The following MDM4 variants were observed in gnomAD, a reference collection of about 807,000 sequenced individuals.
The protein encoded by MDM4 is protein Mdm4.
A neutral mutation model predicts 60.2 loss-of-function variants in MDM4; 2 were observed. The ratio of observed to expected loss-of-function variants is 0.03; its 90% CI spans 0.01 to 0.10. MDM4 has a LOEUF of 0.10. Ranked by LOEUF, MDM4 falls within the 10% of genes least tolerant of loss-of-function variation. The pLI, the probability that MDM4 is intolerant of heterozygous loss-of-function variation, is 1.00. For synonymous variants in MDM4, 202 were observed against 198.1 expected (o/e 1.02, Z -0.17); for missense variants, 447 against 577.5 (o/e 0.77, Z 2.32).
rs753513771 is a variant in MDM4, at chr1:204,538,312, T to C, written c.511+4T>C. ...AAATGCATACATTCTAGAGAAGGTA[T>C]GTTTTGGATTAAGGCTATATAGACT... On this transcript the variant is annotated splice_donor_region_variant and intron_variant, in intron 7 of 10. Coordinates refer to ENST00000367182, the MANE Select transcript of MDM4 (RefSeq NM_002393.5). 2.0e-6 allele frequency: 3 copies of C among 1,497,616 alleles called. No homozygotes were observed. Among genetic ancestry groups the C allele is most frequent in the Non-Finnish European group, 2.8e-6 (3 of 1,074,778 alleles). 92.8% of individuals were successfully genotyped at this position (1,497,616 alleles called of 1,614,324 possible).
intron 1 of MDM4, among the ~76,000 whole-genome samples, chr1:204,520,946 G>A (rs1659510872): frequency 6.6e-6 from 1 of 152,140 alleles, no homozygotes; most frequent in Admixed American, 6.6e-5. Flanking sequence ...ATCAGCATAT[G>A]TCTTGAATAA....
chr1:204,518,622 G>A (rs1659235136), intron 1 of MDM4, among the ~76,000 whole-genome samples: 1 of 152,154 alleles, frequency 6.6e-6, no homozygotes, highest in African/African-American at 2.4e-5. Flanking sequence ...TGATAAGGTT[G>A]GGGATGGTGG....
At chr1:204,537,617 T>C (rs1661553091) in intron 6 of MDM4, 120 bp downstream of exon 6, 1 of 736,838 alleles carries the variant, frequency 1.4e-6, no homozygotes, top group African/African-American at 1.8e-5. Context: ...AGAAAGGTTC[T>C]TGGGAGTTCA....
intron 1 of MDM4, among the ~76,000 whole-genome samples, chr1:204,520,661 A>G (rs1373761306): frequency 6.6e-6 from 1 of 152,098 alleles, no homozygotes; most frequent in Non-Finnish European, 1.5e-5. Context: ...GAATCACTTG[A>G]GGCCAAGAGT....
intron 5 of MDM4, 68 bp from the exon 6 acceptor site, chr1:204,537,362 G>A (rs1661527250): frequency 4.8e-6 from 6 of 1,244,750 alleles, no homozygotes; most frequent in Non-Finnish European, 7.1e-6. Flanking sequence ...GTTTGCTGAG[G>A]TCCTTTTTGT....
At chr1:204,540,745 A>G (rs930497631) in intron 7 of MDM4, among the ~76,000 whole-genome samples, 1 of 152,174 alleles carries the variant, frequency 6.6e-6, no homozygotes, top group Non-Finnish European at 1.5e-5. Context: ...CCTGGGGGAC[A>G]AGAGCAAGAC....
intron 3 of MDM4, chr1:204,529,003 G>A (rs1034252482): frequency 6.5e-6 from 10 of 1,526,978 alleles, no homozygotes; most frequent in East Asian, 2.3e-5. Context: ...TTGACAGAGC[G>A]TGGGCAGTAG....
chr1:204,535,258 C>T (rs1205578054), intron 5 of MDM4, among the ~76,000 whole-genome samples: 5 of 149,610 alleles, frequency 3.3e-5, no homozygotes, highest in African/African-American at 7.4e-5. Context: ...CCCGGGTTCA[C>T]GCAGTTCTCC....
chr1:204,529,183 T>C (rs542485046), intron 3 of MDM4: 127 of 804,250 alleles, frequency 1.6e-4, no homozygotes, highest in Middle Eastern at 3.0e-4. Flanking sequence ...GCCGTAGACA[T>C]TTATGTGGCC....
At chr1:204,546,769 T>A (rs1347199904) in intron 9 of MDM4, 28 bp from the exon 10 acceptor site, 1 of 1,483,098 alleles carries the variant, frequency 6.7e-7, no homozygotes, top group South Asian at 1.1e-5. Context: ...AAGTAAACAT[T>A]ACTAATGAGA....
At chr1:204,538,358 A>G (rs1661634543) in intron 7 of MDM4, 50 bp downstream of exon 7, 1 of 957,952 alleles carries the variant, frequency 1.0e-6, no homozygotes, top group South Asian at 1.4e-5. Context: ...TCCTCTTCCA[A>G]CCTTTTTATT....
intron 1 of MDM4, among the ~76,000 whole-genome samples, chr1:204,524,674 G>T (rs1259747120): frequency 6.6e-6 from 1 of 152,198 alleles, no homozygotes; most frequent in African/African-American, 2.4e-5. Context: ...CTACTCAGGA[G>T]GCTGAGGCAG....
Position 204,556,933 on chromosome 1 carries a change from A to G in MDM4, c.*7251A>G, listed in dbSNP as rs928558835. 9.6e-6 allele frequency: 2 copies of G among 208,592 alleles called. No individual in the cohort carries two copies. Among genetic ancestry groups the G allele is most frequent in the African/African-American group, 4.6e-5 (2 of 43,930 alleles). 12.9% of individuals were successfully genotyped at this position (208,592 alleles called of 1,614,324 possible). A position where few individuals can be genotyped will look rare whatever the true frequency, so the allele number is the denominator to read the frequency against. On this transcript the variant is annotated 3_prime_UTR_variant, in exon 11 of 11. Transcript: ENST00000367182. Reference sequence around the variant, plus strand: ...GACTTTCTTTAGTCTCTAGCTATGCACTATTAAGTGCCTCTTGGGTAGAGG... The same window carrying G: ...GACTTTCTTTAGTCTCTAGCTATGCGCTATTAAGTGCCTCTTGGGTAGAGG...
rs1663121922 is a variant in MDM4, at chr1:204,550,706, TA to T, written c.*1028del. 5.7e-6 allele frequency: 1 copy of T among 175,574 alleles called. No individual in the cohort carries two copies. The highest frequency in any genetic ancestry group is 2.2e-3 in the Middle Eastern group (1 of 448). The allele number at this position is 175,574 out of a possible 1,614,324, so 10.9% of individuals were successfully genotyped here. ...GCATTCACTATCACTCCCAGCTAAT[TA>T]AAATAATTTGTAGACGGTGTCTCGT... On this transcript the variant is annotated 3_prime_UTR_variant, in exon 11 of 11. Transcript: ENST00000367182.
chr1:204,556,450 C>T lies in MDM4; in HGVS notation c.*6768C>T, dbSNP rs754306059. 10 of 224,762 alleles carry T rather than the reference C, an allele frequency of 4.4e-5. No individual in the cohort carries two copies. Among genetic ancestry groups the T allele is most frequent in the Admixed American group, 5.7e-5 (1 of 17,450 alleles). 13.9% of individuals were successfully genotyped at this position (224,762 alleles called of 1,614,324 possible). On this transcript the variant is annotated 3_prime_UTR_variant, in exon 11 of 11. Transcript: ENST00000367182. ...CGGTGGTTCACTCCTGTTATTCCAG[C>T]ACTGGGGTGGCCAAAGTGGGCAGAT...
At chr1:204,532,569 A>G in intron 5 of MDM4, 1 of 580,488 alleles carries the variant, frequency 1.7e-6, no homozygotes, top group East Asian at 2.9e-5. Context: ...TAACAAATTT[A>G]ACATGTAATT....
intron 7 of MDM4, among the ~76,000 whole-genome samples, chr1:204,541,215 T>A (rs1662038432): frequency 6.6e-6 from 1 of 152,090 alleles, no homozygotes; most frequent in Admixed American, 6.5e-5. Flanking sequence ...TCCCAGCACT[T>A]TGGGAGGCTG....
Position 204,550,313 on chromosome 1 carries a change from A to G in MDM4, c.*631A>G, listed in dbSNP as rs941462946. On this transcript the variant is annotated 3_prime_UTR_variant, in exon 11 of 11. Transcript: ENST00000367182. ...TTCAGCCTCCTGAGTAGCTGAGACT[A>G]TAGACTAGCATAACCACACTGGCTA... The G allele has an allele frequency of 4.4e-6, 1 of 226,138 alleles. No individual in the cohort carries two copies. The highest frequency in any genetic ancestry group is 1.8e-4 in the South Asian group (1 of 5,480). The allele number at this position is 226,138 out of a possible 1,614,324, so 14.0% of individuals were successfully genotyped here.
At position 204,551,914 on chromosome 1, in the gene MDM4, C is replaced by T. The variant is rs1663238758; in HGVS notation, c.*2232C>T. On this transcript the variant is annotated 3_prime_UTR_variant, in exon 11 of 11. Transcript: ENST00000367182. Reference sequence around the variant, plus strand: ...CCAATCTTTTGGCTTCCCTGGTCCACAATGGAAGAAGAATTGTCTTGGACC... The same window carrying T: ...CCAATCTTTTGGCTTCCCTGGTCCATAATGGAAGAAGAATTGTCTTGGACC... 1 of 181,594 alleles carries T rather than the reference C, an allele frequency of 5.5e-6. No homozygotes were observed. The highest frequency in any genetic ancestry group is 8.7e-5 in the East Asian group (1 of 11,458). The allele number at this position is 181,594 out of a possible 1,614,324, so 11.2% of individuals were successfully genotyped here. A position where few individuals can be genotyped will look rare whatever the true frequency, so the allele number is the denominator to read the frequency against.
Sources: allele counts gnomAD v4.1 joint callset (sites outside exome capture counted in the v4.1 genomes callset), GRCh38; gene constraint gnomAD v4.1.1; transcripts MANE v1.5; gene names NCBI Gene and HGNC (gene_info 2026-07-23, HGNC 2026-07-21).